DPH5: variants seen among roughly 807,000 people sequenced by gnomAD.
DPH5 encodes the protein diphthamide biosynthesis 5.
A neutral mutation model predicts 31.6 loss-of-function variants in DPH5; 31 were observed. The ratio of observed to expected loss-of-function variants is 0.98; its 90% confidence interval spans 0.74 to 1.32. The LOEUF is 1.32. Ranked by LOEUF, DPH5 falls within the 40% of genes most tolerant of loss-of-function variation. The pLI, the probability that DPH5 is intolerant of heterozygous loss-of-function variation, is 0.00. For missense variants in DPH5, 309 were observed against 335.7 expected, an observed-to-expected ratio of 0.92 and a Z score of 0.62; for synonymous variants, 120 against 115.0, an observed-to-expected ratio of 1.04 and a Z score of -0.28.
chr1:100,993,907 A>AT (rs1407517370), intron 6 of DPH5, among the ~76,000 whole-genome samples: 3 of 151,142 alleles, frequency 2.0e-5, no homozygotes, highest in Non-Finnish European at 4.4e-5. Flanking sequence ...TGCCTGGCTA[A>AT]TTTTTTTTGT....
rs376229286 is a variant in DPH5, at chr1:101,000,828, C to T, written c.490+639G>A. Among the ~76,000 whole-genome samples, 74 of 152,296 alleles carry T rather than the reference C, an allele frequency of 4.9e-4. 2 individuals are homozygous for T. The South Asian group carries it at 0.015, about 30-fold the overall frequency. On this transcript the variant is annotated intron_variant, in intron 5 of 7. Coordinates refer to ENST00000370109, the MANE Select transcript of DPH5 (RefSeq NM_015958.3). ...CACCATGGCTTTCTGAAACTCAGTA[C>T]TATTATCTTGGAAAACAAAGACAGT...
At chr1:100,997,491 G>C (rs766315068) in intron 5 of DPH5, among the ~76,000 whole-genome samples, 1 of 151,726 alleles carries the variant, frequency 6.6e-6, no homozygotes, top group Non-Finnish European at 1.5e-5. Flanking sequence ...TCAGCCTCCC[G>C]AGTAGCTGAG....
chr1:100,998,495 TA>T (rs11301166), intron 5 of DPH5, among the ~76,000 whole-genome samples: 2,050 of 128,530 alleles, frequency 0.016, 45 homozygotes, highest in African/African-American at 0.056. Context: ...GATGACAGGG[TA>T]AACCTTATCT....
chr1:101,020,712 C>G (rs1011248086), intron 3 of DPH5, among the ~76,000 whole-genome samples: 1 of 152,038 alleles, frequency 6.6e-6, no homozygotes, highest in Non-Finnish European at 1.5e-5. Flanking sequence ...GTGACACTAC[C>G]AACCACTCAT....
intron 5 of DPH5, among the ~76,000 whole-genome samples, chr1:100,996,690 C>T (rs1658380284): frequency 6.6e-6 from 1 of 152,192 alleles, no homozygotes; most frequent in South Asian, 2.1e-4. Flanking sequence ...GTCCTAACTC[C>T]TTCATAAAGT....
At chr1:101,008,388 C>G (rs918161775) in intron 4 of DPH5, among the ~76,000 whole-genome samples, 4 of 152,196 alleles carry the variant, frequency 2.6e-5, no homozygotes, top group Non-Finnish European at 4.4e-5. Flanking sequence ...CATCCAGTCT[C>G]CCTCCCAATC....
At chr1:101,005,235 A>T (rs1558040658) in intron 4 of DPH5, among the ~76,000 whole-genome samples, 1 of 152,256 alleles carries the variant, frequency 6.6e-6, no homozygotes, top group East Asian at 1.9e-4. Context: ...GTTAAGAAAA[A>T]TTAAACTTGC....
intron 3 of DPH5, among the ~76,000 whole-genome samples, chr1:101,015,632 GT>G (rs1333880849): frequency 1.3e-5 from 2 of 152,272 alleles, no homozygotes; most frequent in East Asian, 3.9e-4. Context: ...GTCCTTTTAA[GT>G]CCGGCATTCA....
chr1:101,012,232 T>A (rs1570690015), intron 4 of DPH5, among the ~76,000 whole-genome samples: 1 of 152,332 alleles, frequency 6.6e-6, no homozygotes, highest in African/African-American at 2.4e-5. Flanking sequence ...GGCAGCATTG[T>A]CACAAGCTTG....
intron 5 of DPH5, among the ~76,000 whole-genome samples, chr1:100,996,568 G>C (rs1658368087): frequency 6.6e-6 from 1 of 152,128 alleles, no homozygotes; most frequent in Non-Finnish European, 1.5e-5. Context: ...AGCATAATGT[G>C]AAGTACCCAG....
chr1:100,992,510 A>G (rs1454024367), intron 7 of DPH5, 127 bp downstream of exon 7: 1 of 600,414 alleles, frequency 1.7e-6, no homozygotes, highest in Non-Finnish European at 2.6e-6. Context: ...GACAAAAATG[A>G]CAAGAAATAG....
chr1:101,001,412 G>T, intron 5 of DPH5, 55 bp downstream of exon 5: 1 of 1,557,872 alleles, frequency 6.4e-7, no homozygotes, highest in South Asian at 1.2e-5. Context: ...AAATCAAAAT[G>T]AGAACAGTAT....
chr1:101,024,837 T>TTATA (rs1483432446), intron 2 of DPH5: 2 of 157,410 alleles, frequency 1.3e-5, no homozygotes, highest in African/African-American at 4.8e-5. Context: ...TATTGGGAGA[T>TTATA]AGTCTATTTA....
At position 101,025,439 on chromosome 1, in the gene DPH5, A is replaced by C. The variant is rs771853622; in HGVS notation, c.5T>G (p.Leu2Arg). 1.9e-6 allele frequency: 3 copies of C among 1,614,152 alleles called. No individual in the cohort carries two copies. The highest frequency in any genetic ancestry group is 2.5e-6 in the Non-Finnish European group (3 of 1,180,020). MLYLIGLGLGDA... is the reference protein window; with the variant it reads MRYLIGLGLGDA... ...TCCCAGGCCCAACCCGATGAGATAA[A>C]GCATTTCAAACTTGAGGAGAAGAGA... The change falls in exon 2 of 8, where the codon CTT becomes CGT. Residue 2 changes from leucine to arginine, a missense_variant. Transcript: ENST00000370109.
At chr1:101,015,588 CA>C (rs1262117285) in intron 3 of DPH5, among the ~76,000 whole-genome samples, 1 of 152,294 alleles carries the variant, frequency 6.6e-6, no homozygotes, top group East Asian at 1.9e-4. Flanking sequence ...AATCTAGAGT[CA>C]CCAGCTGCAT....
intron 4 of DPH5, among the ~76,000 whole-genome samples, chr1:101,002,550 A>G (rs888239836): frequency 2.5e-4 from 38 of 152,248 alleles, no homozygotes; most frequent in Non-Finnish European, 4.3e-4. Context: ...TTCAAAGACA[A>G]TATAAAACAG....
Position 101,021,695 on chromosome 1 carries a change from A to C in DPH5, c.206T>G (p.Leu69Ter). 3.7e-6 allele frequency: 6 copies of C among 1,614,034 alleles called. No individual in the cohort carries two copies. Among genetic ancestry groups the C allele is most frequent in the Non-Finnish European group, 5.1e-6 (6 of 1,179,924 alleles). Residue 69 changes from leucine (L) to a stop codon, truncating the protein, a stop_gained, in exon 3 of 8, where the codon TTA becomes TGA. Transcript: ENST00000370109. LOFTEE classifies it high-confidence loss of function. ...EEVEQEADNI[L>*]KDADISDVAF... ...AACATCACTGATATCAGCATCCTTT[A>C]AAATATTATCTGCTTCTTGTTCCAC...
rs1001742947 is a variant in DPH5, at chr1:101,004,617, A to G, written c.370-3030T>C. On this transcript the variant is annotated intron_variant, in intron 4 of 7. Transcript: ENST00000370109. ...AACTCAAAACATCCACTCATTAGGC[A>G]TAAGGCACAATCTAGTTAGAAGATG... 1.4e-4 allele frequency among the ~76,000 whole-genome samples: 21 copies of G among 152,246 alleles called. 1 individual carries two copies.
At chr1:100,992,210 T>C in intron 7 of DPH5, among the ~76,000 whole-genome samples, 1 of 152,144 alleles carries the variant, frequency 6.6e-6, no homozygotes, top group Non-Finnish European at 1.5e-5. Flanking sequence ...TCTCTTATAT[T>C]TACCCTGAAG....
Sources: allele counts gnomAD v4.1 joint callset (sites outside exome capture counted in the v4.1 genomes callset), GRCh38; gene constraint gnomAD v4.1.1; transcripts MANE v1.5; gene names NCBI Gene and HGNC (gene_info 2026-07-23, HGNC 2026-07-21).